Variants in ZNF514 observed in about 807,000 individuals in gnomAD.
ZNF514 encodes the protein zinc finger protein 514.
A neutral mutation model predicts 9.7 loss-of-function variants in ZNF514; 12 were observed. The ratio of observed to expected loss-of-function variants is 1.24; its 90% CI spans 0.79 to 2.01. The LOEUF is 2.01. Ranked by LOEUF, ZNF514 falls within the 30% of genes most tolerant of loss-of-function variation. The pLI, the probability that ZNF514 is intolerant of heterozygous loss-of-function variation, is 0.00. For synonymous variants in ZNF514, 158 were observed against 163.7 expected (o/e 0.97, Z 0.27); for missense variants, 467 against 465.5 (o/e 1.00, Z -0.03).
At chr2:95,150,522 T>C (rs2104467082) in intron 4 of ZNF514, among the ~76,000 whole-genome samples, 1 of 152,030 alleles carries the variant, frequency 6.6e-6, no homozygotes, top group South Asian at 2.1e-4. Flanking sequence ...ACAAGGTAAG[T>C]CCAAAGACTA....
the ZNF514 span, among the ~76,000 whole-genome samples, chr2:95,124,716 G>T: frequency 2.0e-5 from 3 of 151,796 alleles, no homozygotes; most frequent in African/African-American, 7.3e-5. Flanking sequence ...TGGCCAGGCT[G>T]GTCTCAAACT....
chr2:95,143,573 C>A (rs1673295812), downstream of ZNF514, among the ~76,000 whole-genome samples: 1 of 152,118 alleles, frequency 6.6e-6, no homozygotes. Flanking sequence ...GTGCCAAGAT[C>A]GTGCCACTGC....
At chr2:95,125,520 G>A in the ZNF514 span, among the ~76,000 whole-genome samples, 1 of 152,214 alleles carries the variant, frequency 6.6e-6, no homozygotes, top group Admixed American at 6.5e-5. Flanking sequence ...TTATAGGCGT[G>A]AGCCACCACA....
In ZNF514 at chr2:95,149,217, T is replaced by C; in HGVS notation, c.*65A>G. The C allele has an allele frequency of 6.6e-7, 1 of 1,504,864 alleles. No homozygotes were observed. The highest frequency in any genetic ancestry group is 2.3e-5 in the Admixed American group (1 of 44,220). 93.2% of individuals were successfully genotyped at this position (1,504,864 alleles called of 1,614,324 possible). A position where few individuals can be genotyped will look rare whatever the true frequency, so the allele number is the denominator to read the frequency against. On this transcript the variant is annotated 3_prime_UTR_variant, in exon 5 of 5. Coordinates refer to ENST00000295208, the MANE Select transcript of ZNF514 (RefSeq NM_032788.3). The stretch of plus-strand genomic sequence containing the variant: ...TTACACCTTTAGGATCTCTCTCTGA[T>C]ATGAATTCTTTAAGTTCCAGTGATG...
intron 1 of ZNF514, chr2:95,158,844 T>C: frequency 2.3e-6 from 3 of 1,287,296 alleles, no homozygotes; most frequent in Non-Finnish European, 3.0e-6. Context: ...GGAAGGCAGA[T>C]GAAGTACAGC....
chr2:95,144,566 C>T (rs1330257145), downstream of ZNF514, among the ~76,000 whole-genome samples: 1 of 152,176 alleles, frequency 6.6e-6, no homozygotes, highest in Non-Finnish European at 1.5e-5. Context: ...AGAAGCTTTG[C>T]ATTTGGGGTA....
downstream of ZNF514, among the ~76,000 whole-genome samples, chr2:95,141,217 G>C (rs1676823584): frequency 6.6e-6 from 1 of 152,054 alleles, no homozygotes; most frequent in Non-Finnish European, 1.5e-5. Flanking sequence ...ACAAGAACAG[G>C]CTAATACAGG....
the ZNF514 span, among the ~76,000 whole-genome samples, chr2:95,137,794 G>A: frequency 4.4e-4 from 67 of 152,274 alleles, no homozygotes; most frequent in African/African-American, 1.6e-3. Context: ...ACACTTTAGG[G>A]GAACTGATAA....
At chr2:95,143,412 G>T (rs1002281868), downstream of ZNF514, among the ~76,000 whole-genome samples, 5 of 152,148 alleles carry the variant, frequency 3.3e-5, no homozygotes, top group African/African-American at 9.7e-5. Flanking sequence ...CCTGAGGTCA[G>T]GAGTTCAAGA....
rs878899419 is a variant in ZNF514 at position 95,149,648 on chromosome 2, A to G, written c.837T>C (p.Tyr279=). 1.2e-6 allele frequency: 2 copies of G among 1,613,046 alleles called. No individual in the cohort carries two copies. Among genetic ancestry groups the G allele is most frequent in the African/African-American group, 2.7e-5 (2 of 74,552 alleles). ...AGGGTTTCTCTCCAGTGTGAAATCT[A>G]TAGTGCAGAACAAGAGACGAACTCT... ...FSQSSSLVLH[Y]RFHTGEKPYK... Residue 279 remains tyrosine (Y), a synonymous_variant, in exon 5 of 5, where the codon TAT becomes TAC. Coordinates refer to ENST00000295208, the MANE Select transcript of ZNF514 (RefSeq NM_032788.3).
At chr2:95,150,414 C>T (rs1451294858) in intron 4 of ZNF514, 147 bp from the exon 5 acceptor site, 12 of 882,886 alleles carry the variant, frequency 1.4e-5, no homozygotes, top group Non-Finnish European at 2.0e-5. Flanking sequence ...TCAATAATGG[C>T]TTATGTCTGA....
In ZNF514 at chr2:95,149,645, T is replaced by C. The variant is rs375030681; in HGVS notation, c.840A>G (p.Arg280=). The change falls in exon 5 of 5, where the codon AGA becomes AGG. Residue 280 remains arginine (R), a synonymous_variant. Transcript: ENST00000295208. The stretch of plus-strand genomic sequence containing the variant: ...TGTAGGGTTTCTCTCCAGTGTGAAA[T>C]CTATAGTGCAGAACAAGAGACGAAC... ...SQSSSLVLHY[R]FHTGEKPYKC... is the part of the protein sequence containing the mutation. 3 of 1,614,176 alleles carry C rather than the reference T, an allele frequency of 1.9e-6. No homozygotes were observed. The highest frequency in any genetic ancestry group is 1.7e-5 in the Admixed American group (1 of 60,030).
At chr2:95,143,756 G>A (rs1002826430), downstream of ZNF514, among the ~76,000 whole-genome samples, 1 of 152,214 alleles carries the variant, frequency 6.6e-6, no homozygotes, top group African/African-American at 2.4e-5. Flanking sequence ...CACATCTTGT[G>A]GGGGTTCAGT....
chr2:95,159,079 G>A (rs763305544), intron 1 of ZNF514, 161 bp downstream of exon 1: 194 of 1,148,258 alleles, frequency 1.7e-4, no homozygotes, highest in Non-Finnish European at 2.1e-4. Context: ...GGAGCGGGAC[G>A]CAGGCTGGGG....
chr2:95,135,596 A>AT, the ZNF514 span, among the ~76,000 whole-genome samples: 1 of 151,228 alleles, frequency 6.6e-6, no homozygotes, highest in African/African-American at 2.4e-5. Context: ...TAATATTTGT[A>AT]TTTTTTGTAG....
rs1240479487 is a variant in ZNF514, at chr2:95,152,687, T to G, written c.204A>C (p.Thr68=). Residue 68 remains threonine (T), a synonymous_variant, in exon 4 of 5, where the codon ACA becomes ACC. Coordinates refer to ENST00000295208, the MANE Select transcript of ZNF514 (RefSeq NM_032788.3). Reference sequence around the variant, plus strand: ...TCACTCACTCACCTGAGTGGGCTCCTGTTGAGATTTCTCTCTCCACCATGA... The same window carrying G: ...TCACTCACTCACCTGAGTGGGCTCCGGTTGAGATTTCTCTCTCCACCATGA... ...EPFMVEREIS[T]GAHSDWKRRS... 3 of 1,614,026 alleles carry G rather than the reference T, an allele frequency of 1.9e-6. No individual in the cohort carries two copies. The highest frequency in any genetic ancestry group is 1.7e-6 in the Non-Finnish European group (2 of 1,179,994).
At position 95,147,637 on chromosome 2, in the gene ZNF514, TG is replaced by T. The variant is rs1673393854; in HGVS notation, c.*1644del. 6.6e-6 allele frequency: 1 copy of T among 150,456 alleles called. No homozygotes were observed. The highest frequency in any genetic ancestry group is 6.8e-5 in the Admixed American group (1 of 14,642). The allele number at this position is 150,456 out of a possible 1,614,324, so 9.3% of individuals were successfully genotyped here. Reference sequence around the variant, plus strand: ...TTGTGCATAATACCCATATTTTAGTTGTTTTTTTTTTTTTTTTCTGAGACGG... The same window carrying T: ...TTGTGCATAATACCCATATTTTAGTTTTTTTTTTTTTTTTTTCTGAGACGG... On this transcript the variant is annotated 3_prime_UTR_variant, in exon 5 of 5. Transcript: ENST00000295208.
the ZNF514 span, among the ~76,000 whole-genome samples, chr2:95,131,694 GA>G: frequency 6.6e-6 from 1 of 152,276 alleles, no homozygotes; most frequent in Admixed American, 6.5e-5. Context: ...ATTCAGTGAG[GA>G]AAAGATAGCC....
chr2:95,128,600 A>G, the ZNF514 span, among the ~76,000 whole-genome samples: 1 of 151,502 alleles, frequency 6.6e-6, no homozygotes, highest in South Asian at 2.1e-4. Context: ...GAGGAGGAGG[A>G]GGGAGAAGAA....
Sources: allele counts gnomAD v4.1 joint callset (sites outside exome capture counted in the v4.1 genomes callset), GRCh38; gene constraint gnomAD v4.1.1; transcripts MANE v1.5; gene names NCBI Gene and HGNC (gene_info 2026-07-23, HGNC 2026-07-21).